Variants in OSBPL6 observed in about 807,000 individuals in gnomAD.
The protein encoded by OSBPL6 is oxysterol binding protein like 6.
In OSBPL6, 49 loss-of-function variants were observed where a neutral mutation model predicts 125.8. That is an observed-to-expected ratio of 0.39 (90% CI 0.31 to 0.49). The LOEUF (loss-of-function observed/expected upper bound fraction) is 0.49. OSBPL6 is among the 20% of genes least tolerant of loss of function. OSBPL6 has a pLI of 0.88. For missense variants in OSBPL6, 986 were observed against 1,135.4 expected, an observed-to-expected ratio of 0.87 and a Z score of 1.89; for synonymous variants, 394 against 391.8, an observed-to-expected ratio of 1.01 and a Z score of -0.07.
At chr2:178,320,593 C>A (rs1355938267) in intron 3 of OSBPL6, among the ~76,000 whole-genome samples, 2 of 152,142 alleles carry the variant, frequency 1.3e-5, no homozygotes, top group African/African-American at 2.4e-5. Context: ...GTTTCCAATT[C>A]ACTCTGAAAG....
At chr2:178,197,457 C>G (rs1379453726) in intron 1 of OSBPL6, among the ~76,000 whole-genome samples, 2 of 152,088 alleles carry the variant, frequency 1.3e-5, no homozygotes, top group African/African-American at 4.8e-5. Flanking sequence ...GATCATTGTA[C>G]AGTAATTCCC....
rs13409754 is a variant in OSBPL6 at position 178,291,712 on chromosome 2, C to T, written c.-156+6591C>T. Among the ~76,000 whole-genome samples the T allele has an allele frequency of 3.7e-3, 325 of 88,498 alleles. 5 individuals are homozygous for T. Among genetic ancestry groups the T allele is most frequent in the East Asian group, 0.037 (117 of 3,196 alleles). 58.1% of individuals were successfully genotyped at this position (88,498 alleles called of 152,430 possible). On this transcript the variant is annotated intron_variant, in intron 2 of 24. Coordinates refer to ENST00000190611, the MANE Select transcript of OSBPL6 (RefSeq NM_032523.4). ...TTCCTTCCTTCCTTCCTTCTTTCCT[C>T]CCTCCCTCCCTCCCTCCTTCCTTTC... is the stretch of plus-strand genomic sequence containing the variant.
chr2:178,322,836 A>G (rs1337387763), intron 3 of OSBPL6, among the ~76,000 whole-genome samples: 1 of 151,430 alleles, frequency 6.6e-6, no homozygotes, highest in African/African-American at 2.4e-5. Context: ...TGACACTTGT[A>G]TCTTTGATCT....
At chr2:178,372,888 GCTAAA>G (rs56728917) in intron 14 of OSBPL6, among the ~76,000 whole-genome samples, 27,359 of 151,960 alleles carry the variant, frequency 0.18, 2,570 homozygotes, top group South Asian at 0.24. Flanking sequence ...CAGTATATGG[GCTAAA>G]CTAAACTTAA....
At chr2:178,344,331 C>A (rs1690500950) in intron 11 of OSBPL6, 2 of 1,614,024 alleles carry the variant, frequency 1.2e-6, no homozygotes, top group Non-Finnish European at 1.7e-6. Flanking sequence ...TCGGCGCCGG[C>A]AGAGGCTAGC....
chr2:178,350,370 T>C (rs1051845032), intron 12 of OSBPL6, among the ~76,000 whole-genome samples: 1 of 152,142 alleles, frequency 6.6e-6, no homozygotes, highest in African/African-American at 2.4e-5. Flanking sequence ...TAAAATCTTC[T>C]AGAGAGAGAT....
rs1693822892 is a variant in OSBPL6, at chr2:178,375,770, A to T, written c.1533+1743A>T. 2.6e-5 allele frequency among the ~76,000 whole-genome samples: 4 copies of T among 152,114 alleles called. No individual in the cohort carries two copies. The South Asian group carries it at 6.2e-4, about 24-fold the overall frequency. ...TTACAGTCAGACTTGACCGTGCATT[A>T]TGTGAGTTCTTACCTATCATCTGAT... On this transcript the variant is annotated intron_variant, in intron 15 of 24. Transcript: ENST00000190611.
At chr2:178,371,156 G>A (rs1693344201) in intron 13 of OSBPL6, among the ~76,000 whole-genome samples, 1 of 152,174 alleles carries the variant, frequency 6.6e-6, no homozygotes, top group Non-Finnish European at 1.5e-5. Flanking sequence ...ATCTTAATGG[G>A]AAGGAAAAGA....
intron 13 of OSBPL6, among the ~76,000 whole-genome samples, chr2:178,366,731 C>T (rs1388963106): frequency 6.6e-6 from 1 of 152,192 alleles, no homozygotes; most frequent in African/African-American, 2.4e-5. Context: ...AATAATTATT[C>T]TGTGATGAAA....
intron 3 of OSBPL6, among the ~76,000 whole-genome samples, chr2:178,306,498 C>A (rs1686770554): frequency 6.6e-6 from 1 of 152,198 alleles, no homozygotes; most frequent in Non-Finnish European, 1.5e-5. Flanking sequence ...AAGGCAGACA[C>A]AGAAGGCTGG....
chr2:178,225,494 G>T (rs191281935), intron 1 of OSBPL6, among the ~76,000 whole-genome samples: 3 of 152,178 alleles, frequency 2.0e-5, no homozygotes, highest in Non-Finnish European at 4.4e-5. Flanking sequence ...TTGTTCAGAT[G>T]TTCTCTAGTG....
chr2:178,219,489 A>G (rs1346899184), intron 1 of OSBPL6, among the ~76,000 whole-genome samples: 1 of 152,208 alleles, frequency 6.6e-6, no homozygotes, highest in Non-Finnish European at 1.5e-5. Context: ...CTAGGGGCCA[A>G]GGGTGTCATT....
intron 1 of OSBPL6, among the ~76,000 whole-genome samples, chr2:178,254,727 A>G (rs1007100504): frequency 1.3e-5 from 2 of 152,178 alleles, no homozygotes; most frequent in Non-Finnish European, 2.9e-5. Context: ...TTAAAATGCC[A>G]GGGAGTAGGT....
intron 2 of OSBPL6, among the ~76,000 whole-genome samples, chr2:178,298,894 G>A (rs895739788): frequency 5.3e-5 from 8 of 152,102 alleles, no homozygotes; most frequent in African/African-American, 1.9e-4. Context: ...CCAGAGAACA[G>A]GACATGTACT....
At chr2:178,279,646 A>C (rs767849104) in intron 1 of OSBPL6, among the ~76,000 whole-genome samples, 22 of 152,216 alleles carry the variant, frequency 1.4e-4, no homozygotes, top group Non-Finnish European at 2.4e-4. Flanking sequence ...ACGAAAACGC[A>C]TGTGTGTGCA....
At position 178,311,300 on chromosome 2, in the gene OSBPL6, C is replaced by G. The variant is rs2154064300; in HGVS notation, c.102+5014C>G. On this transcript the variant is annotated intron_variant, in intron 3 of 24. Transcript: ENST00000190611. ...TAGCCATCCCCCGGTTTGTCATACACTTGGCTCAGTCTCCAAATATACCCT... is the reference window on the plus strand; with the variant it reads ...TAGCCATCCCCCGGTTTGTCATACAGTTGGCTCAGTCTCCAAATATACCCT... 1.3e-5 allele frequency among the ~76,000 whole-genome samples: 2 copies of G among 152,300 alleles called. 1 individual carries two copies. The highest frequency in any genetic ancestry group is 4.1e-4 in the South Asian group (2 of 4,822).
chr2:178,363,395 A>T (rs550529623), intron 13 of OSBPL6, among the ~76,000 whole-genome samples: 1 of 152,220 alleles, frequency 6.6e-6, no homozygotes, highest in Non-Finnish European at 1.5e-5. Flanking sequence ...AAGGTACAGA[A>T]CACCAAGGTT....
At chr2:178,275,518 G>GATA (rs993674538) in intron 1 of OSBPL6, among the ~76,000 whole-genome samples, 8 of 151,604 alleles carry the variant, frequency 5.3e-5, no homozygotes, top group African/African-American at 1.5e-4. Context: ...AAATAATAAT[G>GATA]ATAATAATAA....
chr2:178,379,449 G>A (rs946905953), intron 15 of OSBPL6, among the ~76,000 whole-genome samples: 1 of 150,766 alleles, frequency 6.6e-6, no homozygotes, highest in Non-Finnish European at 1.5e-5. Flanking sequence ...GAGAGAAAAG[G>A]AAGGAAGGAG....
Sources: gnomAD v4.1 joint callset for allele counts (sites outside exome capture counted in the v4.1 genomes callset) on GRCh38, gnomAD v4.1.1 for gene constraint, MANE v1.5 for transcripts, NCBI Gene and HGNC (gene_info 2026-07-23, HGNC 2026-07-21) for gene names.